GALNTL6: variants seen among roughly 807,000 people sequenced by gnomAD.
GALNTL6 encodes polypeptide N-acetylgalactosaminyltransferase-like 6.
In GALNTL6, 46 loss-of-function variants were observed where a neutral mutation model predicts 73.7. The ratio of observed to expected loss-of-function variants is 0.62; its 90% CI spans 0.49 to 0.80. The LOEUF is 0.80. Ranked by LOEUF, GALNTL6 falls within the 30% of genes least tolerant of loss-of-function variation. GALNTL6 has a pLI of 0.00. For synonymous variants in GALNTL6, 259 were observed against 263.7 expected, an observed-to-expected ratio of 0.98 and a Z score of 0.17; for missense variants, 604 against 755.0, an observed-to-expected ratio of 0.80 and a Z score of 2.34.
intron 2 of GALNTL6, among the ~76,000 whole-genome samples, chr4:171,948,503 A>C (rs1365242275): frequency 6.6e-6 from 1 of 152,108 alleles, no homozygotes; most frequent in Non-Finnish European, 1.5e-5. Flanking sequence ...TGAAGTTTTG[A>C]AATGTGTGTG....
chr4:172,717,907 A>G (rs958650849), intron 5 of GALNTL6, among the ~76,000 whole-genome samples: 4 of 152,206 alleles, frequency 2.6e-5, no homozygotes, highest in Non-Finnish European at 5.9e-5. Context: ...ATGTGTGTCT[A>G]TGTATGTGTA....
chr4:172,513,372 C>T (rs1217433286), intron 5 of GALNTL6, among the ~76,000 whole-genome samples: 1 of 152,110 alleles, frequency 6.6e-6, no homozygotes, highest in African/African-American at 2.4e-5. Context: ...TTCTCTGGTT[C>T]CTCTCTGAGT....
intron 2 of GALNTL6, among the ~76,000 whole-genome samples, chr4:172,131,893 T>C (rs1007205904): frequency 3.3e-5 from 5 of 151,974 alleles, no homozygotes; most frequent in African/African-American, 1.2e-4. Flanking sequence ...TTATGACTGA[T>C]GGATAAGTAC....
chr4:172,948,522 G>A (rs764238163), intron 9 of GALNTL6, among the ~76,000 whole-genome samples: 3 of 151,124 alleles, frequency 2.0e-5, no homozygotes, highest in Non-Finnish European at 2.9e-5. Flanking sequence ...GTGTGATCTC[G>A]GCTCACTGCA....
At chr4:173,015,567 T>C (rs1752747539) in intron 11 of GALNTL6, among the ~76,000 whole-genome samples, 1 of 152,202 alleles carries the variant, frequency 6.6e-6, no homozygotes, top group Admixed American at 6.5e-5. Flanking sequence ...AAAGTCACTC[T>C]TGTTATGCAA....
intron 8 of GALNTL6, among the ~76,000 whole-genome samples, chr4:172,884,442 A>G (rs1745615870): frequency 6.6e-6 from 1 of 152,042 alleles, no homozygotes; most frequent in African/African-American, 2.4e-5. Context: ...CTATTCATGT[A>G]TTATGCTCAT....
intron 5 of GALNTL6, among the ~76,000 whole-genome samples, chr4:172,402,182 C>G (rs1036251080): frequency 6.6e-6 from 1 of 152,062 alleles, no homozygotes; most frequent in Non-Finnish European, 1.5e-5. Context: ...TTATAACTCT[C>G]ATTTGGGAGC....
chr4:172,990,745 A>C (rs770625877), intron 10 of GALNTL6, among the ~76,000 whole-genome samples: 1 of 152,216 alleles, frequency 6.6e-6, no homozygotes, highest in African/African-American at 2.4e-5. Flanking sequence ...GACAAAATCA[A>C]CAAGGAAATC....
intron 2 of GALNTL6, among the ~76,000 whole-genome samples, chr4:171,832,565 A>C (rs925325195): frequency 6.6e-6 from 1 of 151,546 alleles, no homozygotes; most frequent in African/African-American, 2.4e-5. Flanking sequence ...AACAATAGGC[A>C]TGTGAATACA....
chr4:171,860,159 G>C (rs1445241849), intron 2 of GALNTL6, among the ~76,000 whole-genome samples: 1 of 152,146 alleles, frequency 6.6e-6, no homozygotes, highest in Non-Finnish European at 1.5e-5. Context: ...TATAGAATGT[G>C]TCAAGCCCTG....
chr4:171,875,744 A>C (rs1736260045), intron 2 of GALNTL6, among the ~76,000 whole-genome samples: 1 of 149,664 alleles, frequency 6.7e-6, no homozygotes, highest in Non-Finnish European at 1.5e-5. Flanking sequence ...TCTGCATAGG[A>C]ATTTTCCCTC....
intron 2 of GALNTL6, among the ~76,000 whole-genome samples, chr4:172,080,056 A>G (rs1228095658): frequency 6.6e-6 from 1 of 152,176 alleles, no homozygotes; most frequent in Non-Finnish European, 1.5e-5. Flanking sequence ...TATCTATAGC[A>G]CTTTCCTTTT....
At chr4:172,767,724 G>A (rs1261364806) in intron 5 of GALNTL6, among the ~76,000 whole-genome samples, 1 of 128,504 alleles carries the variant, frequency 7.8e-6, no homozygotes, top group African/African-American at 2.8e-5. Context: ...GGAGTGCAAT[G>A]AATGACTCCA....
intron 3 of GALNTL6, among the ~76,000 whole-genome samples, chr4:172,238,085 T>C (rs1737298682): frequency 6.6e-6 from 1 of 152,200 alleles, no homozygotes; most frequent in Admixed American, 6.5e-5. Flanking sequence ...TTTGGTTTCA[T>C]GTGAATTTTA....
Position 172,393,008 on chromosome 4 carries a change from C to T in GALNTL6, c.553+44319C>T, listed in dbSNP as rs988401057. Among the ~76,000 whole-genome samples, 6 of 152,242 alleles carry T rather than the reference C, an allele frequency of 3.9e-5. No homozygotes were observed. In the South Asian group the frequency reaches 1.2e-3, roughly 32 times the overall value. On this transcript the variant is annotated intron_variant, in intron 5 of 12. Transcript: ENST00000506823. ...CATTAGATTCTCACTGGAGCACAAGCCCTATTGTGAACTGTGCATGCCGGC... is the reference window on the plus strand; with the variant it reads ...CATTAGATTCTCACTGGAGCACAAGTCCTATTGTGAACTGTGCATGCCGGC...
chr4:172,478,012 G>A (rs1334578942), intron 5 of GALNTL6, among the ~76,000 whole-genome samples: 2 of 152,160 alleles, frequency 1.3e-5, no homozygotes, highest in Admixed American at 6.5e-5. Flanking sequence ...GCTGCCTGTT[G>A]GGTAGAGGCA....
In GALNTL6 at chr4:172,808,288, C is replaced by T. The variant is rs116454905; in HGVS notation, c.554-1073C>T. ...CTCTGTGCACGGAGAAACTCCAATA[C>T]GGAGTAATTCTGACATCTGTTACAT... On this transcript the variant is annotated intron_variant, in intron 5 of 12. Transcript: ENST00000506823. Among the ~76,000 whole-genome samples, 818 of 152,298 alleles carry T rather than the reference C, an allele frequency of 5.4e-3. 9 individuals are homozygous for T. Among genetic ancestry groups the T allele is most frequent in the African/African-American group, 0.016 (665 of 41,558 alleles).
At chr4:172,319,155 C>G (rs1245898619) in intron 4 of GALNTL6, among the ~76,000 whole-genome samples, 1 of 152,158 alleles carries the variant, frequency 6.6e-6, no homozygotes, top group Non-Finnish European at 1.5e-5. Flanking sequence ...AAAATTCTGC[C>G]ATTTTAAAGA....
At chr4:172,156,624 T>C (rs770164440) in intron 2 of GALNTL6, among the ~76,000 whole-genome samples, 2 of 147,928 alleles carry the variant, frequency 1.4e-5, no homozygotes, top group Admixed American at 6.8e-5. Context: ...AACTCCACTC[T>C]GTAGTTTATT....
Sources: allele counts gnomAD v4.1 joint callset (sites outside exome capture counted in the v4.1 genomes callset), GRCh38; gene constraint gnomAD v4.1.1; transcripts MANE v1.5; gene names NCBI Gene and HGNC (gene_info 2026-07-23, HGNC 2026-07-21).